EPHB1: variants seen among roughly 807,000 people sequenced by gnomAD.
The protein encoded by EPHB1 is EPH receptor B1, also known as ephrin type-B receptor 1.
A neutral mutation model predicts 94.4 loss-of-function variants in EPHB1; 30 were observed. The ratio of observed to expected loss-of-function variants is 0.32; its 90% CI spans 0.24 to 0.43. The LOEUF (loss-of-function observed/expected upper bound fraction) is 0.43, where lower values mean the gene tolerates loss of function less well. EPHB1 is among the 20% of genes least tolerant of loss of function. The pLI is 1.00. For synonymous variants in EPHB1, 522 were observed against 489.1 expected, an observed-to-expected ratio of 1.07 and a Z score of -0.89; for missense variants, 1,055 against 1,308.3, an observed-to-expected ratio of 0.81 and a Z score of 2.99.
intron 12 of EPHB1, among the ~76,000 whole-genome samples, chr3:135,209,652 C>G (rs1440014178): frequency 6.6e-6 from 1 of 152,262 alleles, no homozygotes; most frequent in African/African-American, 2.4e-5. Context: ...CTGGGTATAC[C>G]ATGTGATCCT....
intron 10 of EPHB1, among the ~76,000 whole-genome samples, chr3:135,190,769 C>T (rs1428211143): frequency 2.6e-5 from 4 of 152,142 alleles, no homozygotes; most frequent in African/African-American, 9.7e-5. Context: ...CAGTTTGTAA[C>T]CCAAGAGTGA....
At chr3:135,192,278 C>T (rs948486096) in intron 10 of EPHB1, among the ~76,000 whole-genome samples, 6 of 152,416 alleles carry the variant, frequency 3.9e-5, no homozygotes, top group African/African-American at 1.2e-4. Context: ...AGCTGGCACA[C>T]AATGGAAAAA....
At chr3:135,118,661 A>C in intron 4 of EPHB1, among the ~76,000 whole-genome samples, 1 of 152,204 alleles carries the variant, frequency 6.6e-6, no homozygotes, top group East Asian at 1.9e-4. Flanking sequence ...AATCCCAGCT[A>C]AGATGGGGAA....
At chr3:134,959,634 G>A (rs1933426938) in intron 3 of EPHB1, among the ~76,000 whole-genome samples, 2 of 152,016 alleles carry the variant, frequency 1.3e-5, no homozygotes, top group Non-Finnish European at 2.9e-5. Flanking sequence ...TCCCTCTAGG[G>A]GCAGCTCCAT....
intron 3 of EPHB1, among the ~76,000 whole-genome samples, chr3:135,033,378 C>G (rs1936547192): frequency 6.6e-6 from 1 of 152,176 alleles, no homozygotes; most frequent in South Asian, 2.1e-4. Flanking sequence ...AATAGAGTCT[C>G]CAGAATCAAC....
chr3:135,183,996 A>C (rs1463619078), intron 10 of EPHB1, among the ~76,000 whole-genome samples: 1 of 152,162 alleles, frequency 6.6e-6, no homozygotes, highest in African/African-American at 2.4e-5. Context: ...AAAACCTTGG[A>C]GGTGGGAAGA....
chr3:135,138,503 T>C (rs72979506), intron 5 of EPHB1, among the ~76,000 whole-genome samples: 1,747 of 152,336 alleles, frequency 0.011, 32 homozygotes, highest in South Asian at 0.037. Flanking sequence ...AGGAAAGATA[T>C]TATGTAAATC....
intron 2 of EPHB1, among the ~76,000 whole-genome samples, chr3:134,938,757 T>G (rs980109901): frequency 6.6e-6 from 1 of 152,180 alleles, no homozygotes; most frequent in Admixed American, 6.5e-5. Flanking sequence ...CCTTGCAAGC[T>G]TAAGTCATGT....
intron 1 of EPHB1, among the ~76,000 whole-genome samples, chr3:134,858,994 C>T (rs1271458051): frequency 6.6e-6 from 1 of 152,182 alleles, no homozygotes; most frequent in African/African-American, 2.4e-5. Flanking sequence ...GCCACCCTGC[C>T]CTCACGGTGA....
At chr3:135,006,749 C>T (rs549531450) in intron 3 of EPHB1, among the ~76,000 whole-genome samples, 152 of 152,146 alleles carry the variant, frequency 1.0e-3, no homozygotes, top group Middle Eastern at 3.4e-3. Flanking sequence ...TATATCTATA[C>T]GGTACATTCC....
At chr3:134,904,708 G>A (rs764255359) in intron 1 of EPHB1, among the ~76,000 whole-genome samples, 5 of 152,296 alleles carry the variant, frequency 3.3e-5, no homozygotes, top group Admixed American at 2.0e-4. Context: ...ATGGGATGGG[G>A]AAGTGAATTC....
chr3:135,131,069 C>T (rs1940396485), intron 4 of EPHB1, among the ~76,000 whole-genome samples: 1 of 152,172 alleles, frequency 6.6e-6, no homozygotes, highest in African/African-American at 2.4e-5. Context: ...CTTCCCAGCA[C>T]TAGCTATGTG....
intron 1 of EPHB1, among the ~76,000 whole-genome samples, chr3:134,857,415 G>A (rs2037145162): frequency 6.6e-6 from 1 of 152,118 alleles, no homozygotes; most frequent in Admixed American, 6.6e-5. Flanking sequence ...AGTCTGGTTA[G>A]TGTGATTGAT....
Position 135,201,614 on chromosome 3 carries a change from G to A in EPHB1, c.2271G>A (p.Val757=), listed in dbSNP as rs766570612. The change falls in exon 12 of 16, where the codon GTG becomes GTA. Residue 757 remains valine (V), a synonymous_variant. Coordinates refer to ENST00000398015, the MANE Select transcript of EPHB1 (RefSeq NM_004441.5). ...ACATTCTGGTCAACAGTAACCTGGTGTGCAAGGTGTCCGACTTTGGCCTCT... is the reference window on the plus strand; with the variant it reads ...ACATTCTGGTCAACAGTAACCTGGTATGCAAGGTGTCCGACTTTGGCCTCT... ...ARNILVNSNL[V]CKVSDFGLSR... 1.2e-6 allele frequency: 2 copies of A among 1,613,962 alleles called. No individual in the cohort carries two copies. The highest frequency in any genetic ancestry group is 1.6e-4 in the Middle Eastern group (1 of 6,084).
At position 135,106,533 on chromosome 3, in the gene EPHB1, G is replaced by C; in HGVS notation, c.891G>C (p.Ala297=). ...CPSNSRSPAE[A]SPICTCRTGY... ...CCAACAGCCGCTCCCCTGCAGAGGC[G>C]TCTCCCATCTGCACCTGTCGGACCG... Residue 297 remains alanine, a synonymous_variant, in exon 4 of 16, where the codon GCG becomes GCC. Coordinates refer to ENST00000398015, the MANE Select transcript of EPHB1 (RefSeq NM_004441.5). 1.2e-6 allele frequency: 2 copies of C among 1,614,016 alleles called. No homozygotes were observed. The highest frequency in any genetic ancestry group is 1.7e-6 in the Non-Finnish European group (2 of 1,179,892).
At chr3:134,836,385 TC>T (rs2036674139) in intron 1 of EPHB1, among the ~76,000 whole-genome samples, 1 of 152,236 alleles carries the variant, frequency 6.6e-6, no homozygotes, top group South Asian at 2.1e-4. Flanking sequence ...TGCTTAATTT[TC>T]TAGTTTTAAT....
At chr3:134,862,499 CAAA>C (rs11315176) in intron 1 of EPHB1, among the ~76,000 whole-genome samples, 134 of 133,906 alleles carry the variant, frequency 1.0e-3, no homozygotes, top group African/African-American at 3.3e-3. Context: ...CTTGTAAGCT[CAAA>C]AAAAAAAAAA....
At chr3:134,827,014 G>C (rs1312281470) in intron 1 of EPHB1, among the ~76,000 whole-genome samples, 1 of 152,204 alleles carries the variant, frequency 6.6e-6, no homozygotes, top group Non-Finnish European at 1.5e-5. Context: ...CCTGTACAGG[G>C]CCTGGAATAA....
At chr3:135,192,435 C>A in intron 10 of EPHB1, 141 bp from the exon 11 acceptor site, 1 of 984,500 alleles carries the variant, frequency 1.0e-6, no homozygotes. Flanking sequence ...AATATAGTTA[C>A]AATGAGAGAA....
Sources: allele counts gnomAD v4.1 joint callset (sites outside exome capture counted in the v4.1 genomes callset), GRCh38; gene constraint gnomAD v4.1.1; transcripts MANE v1.5; gene names NCBI Gene and HGNC (gene_info 2026-07-23, HGNC 2026-07-21).